Variants in DNAH8 observed in about 807,000 individuals in gnomAD.
DNAH8 encodes dynein axonemal heavy chain 8, also known as axonemal beta dynein heavy chain 8.
DNAH8 carries 382 observed loss-of-function variants against 562.1 expected under a neutral mutation model. The observed-to-expected ratio is 0.68, with a 90% CI of 0.63 to 0.74. DNAH8 has a LOEUF of 0.74. Ranked by LOEUF, DNAH8 falls within the 30% of genes least tolerant of loss-of-function variation. The pLI is 0.00. For synonymous variants in DNAH8, 1,881 were observed against 1,919.4 expected (o/e 0.98, Z 0.52); for missense variants, 5,203 against 5,620.4 (o/e 0.93, Z 2.37).
chr6:38,992,036 G>T (rs989750610), intron 88 of DNAH8, among the ~76,000 whole-genome samples: 2 of 151,974 alleles, frequency 1.3e-5, no homozygotes, highest in Non-Finnish European at 2.9e-5. Flanking sequence ...CACGATCTTG[G>T]CTCACCACAA....
chr6:38,859,384 CCAAACAA>C (rs1375751448), intron 42 of DNAH8, among the ~76,000 whole-genome samples: 1 of 152,122 alleles, frequency 6.6e-6, no homozygotes, highest in African/African-American at 2.4e-5. Flanking sequence ...AAGATCATAA[CCAAACAA>C]CAAACAACAA....
intron 1 of DNAH8, among the ~76,000 whole-genome samples, chr6:38,721,597 A>C (rs1762757453): frequency 6.6e-6 from 1 of 152,152 alleles, no homozygotes. Flanking sequence ...ATTTGGGAAC[A>C]ATGGTTCATG....
chr6:38,974,221 A>G (rs957562786), intron 84 of DNAH8, among the ~76,000 whole-genome samples, 153 bp from the exon 85 acceptor site: 2 of 152,234 alleles, frequency 1.3e-5, no homozygotes, highest in African/African-American at 4.8e-5. Flanking sequence ...TGCTCATATA[A>G]CAATTTAATG....
intron 85 of DNAH8, among the ~76,000 whole-genome samples, chr6:38,979,191 A>G (rs1763875845): frequency 6.6e-6 from 1 of 152,238 alleles, no homozygotes; most frequent in African/African-American, 2.4e-5. Flanking sequence ...TATTCTTCCC[A>G]GAAGCCTCTG....
At chr6:38,883,117 A>T in intron 54 of DNAH8, 65 bp downstream of exon 54, 1 of 1,436,604 alleles carries the variant, frequency 7.0e-7, no homozygotes, top group South Asian at 1.6e-5. Flanking sequence ...ATATGCACCC[A>T]TATTTTCTTC....
intron 89 of DNAH8, 29 bp from the exon 90 acceptor site, chr6:39,012,186 C>T: frequency 1.9e-6 from 3 of 1,542,146 alleles, no homozygotes; most frequent in Non-Finnish European, 2.7e-6. Context: ...GAGAAAATCT[C>T]CTTTATTGCA....
chr6:38,833,827 T>TTTTAAAAAGTG (rs1293691132), intron 31 of DNAH8, among the ~76,000 whole-genome samples: 4 of 152,210 alleles, frequency 2.6e-5, no homozygotes, highest in African/African-American at 9.7e-5. Context: ...TCAGTTTACT[T>TTTTAAAAAGTG]TTTAAACACT....
In DNAH8 at chr6:38,923,667, T is replaced by C. The variant is rs183939448; in HGVS notation, c.10791-324T>C. The C allele has an allele frequency of 5.1e-3, 1,259 of 246,672 alleles. 7 individuals are homozygous for C. Among genetic ancestry groups the C allele is most frequent in the South Asian group, 8.0e-3 (46 of 5,786 alleles). The allele number at this position is 246,672 out of a possible 1,614,324, so 15.3% of individuals were successfully genotyped here. On this transcript the variant is annotated intron_variant, in intron 72 of 92. Transcript: ENST00000327475. ...ATAAAAAGGGAGGGGAAAGAAAAAA[T>C]GGTTTAACACAAGACTGAAATCTGA...
In DNAH8 at chr6:38,973,669, G is replaced by A. The variant is rs757218688; in HGVS notation, c.12534G>A (p.Trp4178Ter). 5.0e-6 allele frequency: 8 copies of A among 1,595,554 alleles called. No individual in the cohort carries two copies. The highest frequency in any genetic ancestry group is 6.8e-6 in the Non-Finnish European group (8 of 1,173,360). The change falls in exon 84 of 93, where the codon TGG (tryptophan) becomes TGA (stop). Residue 4178 changes from tryptophan to a stop codon, truncating the protein, a stop_gained. Coordinates refer to ENST00000327475, the MANE Select transcript of DNAH8 (RefSeq NM_001206927.2). LOFTEE classifies it high-confidence loss of function. ...CTTATTTTTGGATACAGGGTGGTTGGGTATTACTACAAAATTGCCACCTTG... is the reference window on the plus strand; with the variant it reads ...CTTATTTTTGGATACAGGGTGGTTGAGTATTACTACAAAATTGCCACCTTG... ...LIQMSMQQGG[W>*]VLLQNCHLGL...
At chr6:38,914,432 G>A (rs926050375) in intron 67 of DNAH8, among the ~76,000 whole-genome samples, 2 of 108,222 alleles carry the variant, frequency 1.8e-5, no homozygotes, top group African/African-American at 3.7e-5. Context: ...ACAGAGTCTT[G>A]CTCTGTTGCC....
chr6:38,994,500 ATT>A (rs33926161), intron 88 of DNAH8, among the ~76,000 whole-genome samples: 2 of 145,316 alleles, frequency 1.4e-5, no homozygotes, highest in Admixed American at 6.8e-5. Context: ...AATCATCTAC[ATT>A]TTTTTTTTTT....
rs540562070 is a variant in DNAH8 at position 38,938,770 on chromosome 6, C to T, written c.11817-28C>T. 5.2e-6 allele frequency: 8 copies of T among 1,538,458 alleles called. No individual in the cohort carries two copies. The South Asian group carries it at 7.2e-5, about 14-fold the overall frequency. On this transcript the variant is annotated intron_variant, in intron 78 of 92. Transcript: ENST00000327475. Reference sequence around the variant, plus strand: ...TTTTAAAAAAAGAAATTGCCCTTTGCTTCTTTGATTCTTAAAATGTGTTTC... The same window carrying T: ...TTTTAAAAAAAGAAATTGCCCTTTGTTTCTTTGATTCTTAAAATGTGTTTC...
chr6:39,019,599 C>T (rs1766773838), intron 91 of DNAH8, among the ~76,000 whole-genome samples: 1 of 151,744 alleles, frequency 6.6e-6, no homozygotes, highest in African/African-American at 2.4e-5. Context: ...GAGAGGGGGG[C>T]ATTTGGATTC....
chr6:38,874,210 CTT>C lies in DNAH8; in HGVS notation c.7620+836_7620+837del, dbSNP rs1251778181. ...TCTCTCTTTCTTTCTCTCTTTCTTT[CTT>C]TCTCTCTCGCTCTCTCTTTCTCCCC... is the stretch of plus-strand genomic sequence containing the variant. On this transcript the variant is annotated intron_variant, in intron 52 of 92. Transcript: ENST00000327475. 7.4e-4 allele frequency among the ~76,000 whole-genome samples: 98 copies of C among 131,778 alleles called. 14 individuals carry two copies. Among genetic ancestry groups the C allele is most frequent in the African/African-American group, 2.7e-3 (92 of 34,450 alleles). 86.5% of individuals were successfully genotyped at this position (131,778 alleles called of 152,430 possible).
At chr6:38,989,947 T>C (rs1764667034) in intron 87 of DNAH8, 65 bp from the exon 88 acceptor site, 1 of 934,226 alleles carries the variant, frequency 1.1e-6, no homozygotes, top group East Asian at 2.5e-5. Flanking sequence ...CCCCTCTCCT[T>C]TCTTGTAGCA....
intron 82 of DNAH8, among the ~76,000 whole-genome samples, chr6:38,961,811 A>T (rs1056687096): frequency 6.6e-5 from 10 of 152,034 alleles, no homozygotes; most frequent in Admixed American, 3.3e-4. Flanking sequence ...GTTATTTAGC[A>T]TTGTGTTGTA....
rs1764244683 is a variant in DNAH8, at chr6:38,738,071, TTG to T, written c.1116+100_1116+101del. ...ACAGCAAAGGGAAGAGGTGTCTCCTTTGACTTTCTTCCAGAATCTAGTTTGAA... is the reference window on the plus strand; with the variant it reads ...ACAGCAAAGGGAAGAGGTGTCTCCTTACTTTCTTCCAGAATCTAGTTTGAA... On this transcript the variant is annotated intron_variant, in intron 7 of 92. Coordinates refer to ENST00000327475, the MANE Select transcript of DNAH8 (RefSeq NM_001206927.2). 26 of 1,267,654 alleles carry T rather than the reference TTG, an allele frequency of 2.1e-5. No homozygotes were observed. In the South Asian group the frequency reaches 3.5e-4, roughly 17 times the overall value. 78.5% of individuals were successfully genotyped at this position (1,267,654 alleles called of 1,614,324 possible). A position where few individuals can be genotyped will look rare whatever the true frequency, so the allele number is the denominator to read the frequency against.
chr6:38,939,174 A>G (rs996711954), intron 79 of DNAH8, among the ~76,000 whole-genome samples, 186 bp downstream of exon 79: 6 of 152,280 alleles, frequency 3.9e-5, no homozygotes, highest in Non-Finnish European at 8.8e-5. Flanking sequence ...CTTAAGATTC[A>G]GGCCTGTGCC....
chr6:38,794,472 A>T (rs1384136501), intron 21 of DNAH8, among the ~76,000 whole-genome samples: 1 of 152,202 alleles, frequency 6.6e-6, no homozygotes, highest in Non-Finnish European at 1.5e-5. Flanking sequence ...TTTACATATG[A>T]TACACCCTTG....
Sources: gnomAD v4.1 joint callset for allele counts (sites outside exome capture counted in the v4.1 genomes callset) on GRCh38, gnomAD v4.1.1 for gene constraint, MANE v1.5 for transcripts, NCBI Gene and HGNC (gene_info 2026-07-23, HGNC 2026-07-21) for gene names.